Variants in PIBF1 observed in about 807,000 individuals in gnomAD.
The protein encoded by PIBF1 is progesterone-induced-blocking factor 1.
PIBF1 carries 90 observed loss-of-function variants against 112.5 expected under a neutral mutation model. The ratio of observed to expected loss-of-function variants is 0.80; its 90% CI spans 0.67 to 0.95. The LOEUF (loss-of-function observed/expected upper bound fraction) is 0.95. Ranked by LOEUF, PIBF1 falls within the 40% of genes least tolerant of loss-of-function variation. The pLI is 0.00. For missense variants in PIBF1, 915 were observed against 852.3 expected (o/e 1.07, Z -0.92); for synonymous variants, 301 against 288.6 (o/e 1.04, Z -0.44).
intron 14 of PIBF1, 33 bp downstream of exon 14, chr13:72,931,300 C>A: frequency 8.2e-7 from 1 of 1,224,954 alleles, no homozygotes; most frequent in South Asian, 1.3e-5. Flanking sequence ...TATGAAGAAT[C>A]ACAGTATTCA....
chr13:72,945,886 A>G (rs933185318), intron 14 of PIBF1, among the ~76,000 whole-genome samples: 11 of 152,184 alleles, frequency 7.2e-5, no homozygotes, highest in Admixed American at 2.0e-4. Flanking sequence ...AAGAATAGCT[A>G]GTAATTTTGA....
In PIBF1 at chr13:72,878,191, AG is replaced by A. The variant is rs368418414; in HGVS notation, c.1323-15592del. 2.4e-3 allele frequency among the ~76,000 whole-genome samples: 363 copies of A among 151,056 alleles called. 1 individual carries two copies. Among genetic ancestry groups the A allele is most frequent in the African/African-American group, 8.3e-3 (339 of 41,044 alleles). Reference sequence around the variant, plus strand: ...TGATTTTTGTGGTAATTATTTTCTTAGTGCTTACTTTGGATTTAATTTACTC... The same window carrying A: ...TGATTTTTGTGGTAATTATTTTCTTATGCTTACTTTGGATTTAATTTACTC... On this transcript the variant is annotated intron_variant, in intron 10 of 17. Transcript: ENST00000326291.
At chr13:72,963,317 G>C (rs1195585633) in intron 14 of PIBF1, among the ~76,000 whole-genome samples, 2 of 152,148 alleles carry the variant, frequency 1.3e-5, no homozygotes, top group Non-Finnish European at 2.9e-5. Context: ...TTATCAGCCG[G>C]ACCCAATGGC....
intron 12 of PIBF1, among the ~76,000 whole-genome samples, chr13:72,914,780 A>G (rs1414750983): frequency 6.6e-6 from 1 of 152,110 alleles, no homozygotes; most frequent in Non-Finnish European, 1.5e-5. Context: ...CGGTCTCACT[A>G]TGTTGCCTAG....
intron 10 of PIBF1, among the ~76,000 whole-genome samples, chr13:72,855,230 T>A (rs1442321361): frequency 6.6e-6 from 1 of 152,234 alleles, no homozygotes; most frequent in Non-Finnish European, 1.5e-5. Context: ...AGTCTTCATA[T>A]AATTAACCTA....
intron 9 of PIBF1, among the ~76,000 whole-genome samples, chr13:72,838,635 C>T (rs909396480): frequency 6.6e-6 from 1 of 152,146 alleles, no homozygotes; most frequent in Non-Finnish European, 1.5e-5. Flanking sequence ...TTTGAACACT[C>T]AGCAGTGTAT....
At chr13:72,940,372 CT>C (rs2041979664) in intron 14 of PIBF1, among the ~76,000 whole-genome samples, 1 of 151,942 alleles carries the variant, frequency 6.6e-6, no homozygotes, top group Non-Finnish European at 1.5e-5. Context: ...TTCTTTGTGT[CT>C]TTTAGGTCTC....
chr13:72,957,776 A>G (rs553780137), intron 14 of PIBF1, among the ~76,000 whole-genome samples: 1 of 152,114 alleles, frequency 6.6e-6, no homozygotes, highest in Non-Finnish European at 1.5e-5. Context: ...CTATCTCTAA[A>G]AAAAGAAAAA....
intron 16 of PIBF1, 103 bp from the exon 17 acceptor site, chr13:72,998,719 G>C: frequency 1.4e-6 from 1 of 724,742 alleles, no homozygotes; most frequent in South Asian, 1.8e-5. Context: ...TATGTGTGTA[G>C]TATAATTGTT....
At chr13:72,967,079 G>A (rs2042761160) in intron 15 of PIBF1, among the ~76,000 whole-genome samples, 1 of 151,886 alleles carries the variant, frequency 6.6e-6, no homozygotes, top group Non-Finnish European at 1.5e-5. Flanking sequence ...AGGATTACAG[G>A]CACACGCTGC....
At chr13:72,916,496 T>A (rs892793493) in intron 12 of PIBF1, among the ~76,000 whole-genome samples, 1 of 151,684 alleles carries the variant, frequency 6.6e-6, no homozygotes, top group South Asian at 2.1e-4. Flanking sequence ...TAGTTAAAAT[T>A]CCTTTTGGGA....
intron 5 of PIBF1, 54 bp downstream of exon 5, chr13:72,798,080 T>A (rs2035284811): frequency 5.9e-6 from 9 of 1,530,852 alleles, no homozygotes; most frequent in Middle Eastern, 3.5e-4. Flanking sequence ...TTCTGTAGAG[T>A]CCCTCAGGAT....
chr13:72,886,582 G>C (rs2039866787), intron 10 of PIBF1, among the ~76,000 whole-genome samples: 1 of 150,964 alleles, frequency 6.6e-6, no homozygotes, highest in African/African-American at 2.4e-5. Context: ...CTATTTTTTT[G>C]ACTTTATAAG....
At chr13:72,868,098 AG>A (rs1453826014) in intron 10 of PIBF1, among the ~76,000 whole-genome samples, 5 of 152,136 alleles carry the variant, frequency 3.3e-5, no homozygotes, top group African/African-American at 1.2e-4. Flanking sequence ...CCAGGAGTTC[AG>A]GAACAGCCTG....
intron 13 of PIBF1, among the ~76,000 whole-genome samples, chr13:72,919,321 A>C (rs1320202774): frequency 6.6e-6 from 1 of 152,258 alleles, no homozygotes; most frequent in African/African-American, 2.4e-5. Context: ...TAAACTAAAT[A>C]TATGCCAAAT....
chr13:72,792,342 A>G, intron 2 of PIBF1, 105 bp from the exon 3 acceptor site: 4 of 723,170 alleles, frequency 5.5e-6, no homozygotes, highest in South Asian at 5.5e-5. Flanking sequence ...CCCTCTATCC[A>G]TTTTTAGCCT....
intron 16 of PIBF1, among the ~76,000 whole-genome samples, chr13:72,981,271 A>AAAAT (rs547955956): frequency 3.7e-4 from 56 of 150,984 alleles, no homozygotes; most frequent in African/African-American, 1.1e-3. Context: ...AAAATAAAAT[A>AAAAT]AAATAAATAA....
chr13:72,904,984 ATTAT>A (rs1379648153), intron 11 of PIBF1, among the ~76,000 whole-genome samples: 2 of 151,740 alleles, frequency 1.3e-5, no homozygotes, highest in Non-Finnish European at 2.9e-5. Context: ...GAGAGGTTAT[ATTAT>A]TTAATATCGC....
intron 5 of PIBF1, among the ~76,000 whole-genome samples, chr13:72,802,371 CT>C (rs1477584242): frequency 6.6e-6 from 1 of 151,996 alleles, no homozygotes; most frequent in Non-Finnish European, 1.5e-5. Context: ...GACTGTAGAG[CT>C]ATAAGGATGG....
Sources: gnomAD v4.1 joint callset for allele counts (sites outside exome capture counted in the v4.1 genomes callset) on GRCh38, gnomAD v4.1.1 for gene constraint, MANE v1.5 for transcripts, NCBI Gene and HGNC (gene_info 2026-07-23, HGNC 2026-07-21) for gene names.